Variants in SHISA6 observed in about 807,000 individuals in gnomAD.
SHISA6 encodes the protein shisa family member 6, also known as protein shisa-6.
Under a neutral mutation model 47.9 loss-of-function variants are expected in SHISA6, and 22 were observed. The observed-to-expected ratio is 0.46, with a 90% CI of 0.33 to 0.66. The LOEUF is 0.66. Among genes scored for constraint, SHISA6 ranks in the 30% least tolerant of loss-of-function variants. The pLI is 0.02. For synonymous variants in SHISA6, 388 were observed against 337.8 expected (o/e 1.15, Z -1.63); for missense variants, 680 against 764.6 (o/e 0.89, Z 1.30).
At position 11,560,772 on chromosome 17, in the gene SHISA6, A is replaced by C. The variant is rs1434579418; in HGVS notation, c.*2468A>C. The C allele has an allele frequency of 6.6e-6, 1 of 152,148 alleles. No homozygotes were observed. The highest frequency in any genetic ancestry group is 1.9e-4 in the East Asian group (1 of 5,182). The allele number at this position is 152,148 out of a possible 1,614,324, so 9.4% of individuals were successfully genotyped here. A position where few individuals can be genotyped will look rare whatever the true frequency, so the allele number is the denominator to read the frequency against. ...CAGGGGTTGTTGATGAGTTGATTCCAAGACATTTCTCATCCCAGCCTTACC... is the reference window on the plus strand; with the variant it reads ...CAGGGGTTGTTGATGAGTTGATTCCCAGACATTTCTCATCCCAGCCTTACC... On this transcript the variant is annotated 3_prime_UTR_variant, in exon 6 of 6. Coordinates refer to ENST00000441885, the MANE Select transcript of SHISA6 (RefSeq NM_207386.4).
chr17:11,395,064 C>T (rs1226181978), intron 3 of SHISA6, among the ~76,000 whole-genome samples: 3 of 137,522 alleles, frequency 2.2e-5, no homozygotes, highest in Admixed American at 7.9e-5. Flanking sequence ...TGCAGTGGCG[C>T]GATCTCGGCT....
intron 3 of SHISA6, among the ~76,000 whole-genome samples, chr17:11,445,724 A>G (rs901921381): frequency 3.3e-5 from 5 of 152,218 alleles, no homozygotes; most frequent in Non-Finnish European, 7.3e-5. Context: ...TAATAACTAC[A>G]AACAAACAAG....
chr17:11,420,076 C>A (rs1914409097), intron 3 of SHISA6, among the ~76,000 whole-genome samples: 1 of 152,082 alleles, frequency 6.6e-6, no homozygotes, highest in African/African-American at 2.4e-5. Flanking sequence ...TGGTTGTGGG[C>A]ACCTGTGATT....
intron 2 of SHISA6, among the ~76,000 whole-genome samples, chr17:11,371,244 G>A (rs2142237833): frequency 6.6e-6 from 1 of 152,306 alleles, no homozygotes; most frequent in South Asian, 2.1e-4. Flanking sequence ...GAGGAGCACA[G>A]GTCTCCTGGC....
intron 2 of SHISA6, among the ~76,000 whole-genome samples, chr17:11,285,900 G>T (rs1035296966): frequency 6.6e-6 from 1 of 150,824 alleles, no homozygotes; most frequent in Non-Finnish European, 1.5e-5. Flanking sequence ...GCAATGGCGC[G>T]ATCTTGGCTC....
At position 11,558,166 on chromosome 17, in the gene SHISA6, C is replaced by T. The variant is rs148413919; in HGVS notation, c.1518C>T (p.Tyr506=). 1.5e-3 allele frequency: 2,382 copies of T among 1,548,770 alleles called. 29 individuals carry two copies. In the African/African-American group the frequency reaches 0.028, roughly 18 times the overall value. Reference sequence around the variant, plus strand: ...ATCCCAGTGCCTCCAATAACTCATACGCCACCCTGGGCCAGAGCCAGACGG... The same window carrying T: ...ATCCCAGTGCCTCCAATAACTCATATGCCACCCTGGGCCAGAGCCAGACGG... The part of the protein sequence containing the change: ...HSHPSASNNS[Y]ATLGQSQTAA... The change falls in exon 6 of 6, where the codon TAC becomes TAT. Residue 506 remains tyrosine (Y), a synonymous_variant. Coordinates refer to ENST00000441885, the MANE Select transcript of SHISA6 (RefSeq NM_207386.4).
chr17:11,380,412 T>C (rs901811254), intron 3 of SHISA6: 1 of 152,238 alleles, frequency 6.6e-6, no homozygotes, highest in Non-Finnish European at 1.5e-5. Flanking sequence ...TATCTGTGTA[T>C]GTATTTTCTG....
chr17:11,474,597 A>G (rs1254823039), intron 3 of SHISA6, among the ~76,000 whole-genome samples: 1 of 152,094 alleles, frequency 6.6e-6, no homozygotes, highest in African/African-American at 2.4e-5. Flanking sequence ...TTCTTTGCCA[A>G]AGATCAGTTA....
At chr17:11,389,369 A>T (rs1446964588) in intron 3 of SHISA6, among the ~76,000 whole-genome samples, 1 of 152,166 alleles carries the variant, frequency 6.6e-6, no homozygotes, top group Admixed American at 6.5e-5. Flanking sequence ...TCTTACCTGT[A>T]GGGTACATGT....
At position 11,562,939 on chromosome 17, in the gene SHISA6, C is replaced by G. The variant is rs994393632; in HGVS notation, c.*4635C>G. ...GCCCTCGTACCTGAAGTTTAAGGGC[C>G]TAACCATTCAATAGGTCACCAACTG... On this transcript the variant is annotated 3_prime_UTR_variant, in exon 6 of 6. Coordinates refer to ENST00000441885, the MANE Select transcript of SHISA6 (RefSeq NM_207386.4). 1 of 152,302 alleles carries G rather than the reference C, an allele frequency of 6.6e-6. No individual in the cohort carries two copies. The highest frequency in any genetic ancestry group is 2.4e-5 in the African/African-American group (1 of 41,460). 9.4% of individuals were successfully genotyped at this position (152,302 alleles called of 1,614,324 possible).
intron 3 of SHISA6, among the ~76,000 whole-genome samples, chr17:11,473,875 A>G (rs1249420568): frequency 1.3e-5 from 2 of 152,056 alleles, no homozygotes; most frequent in Admixed American, 1.3e-4. Context: ...CCCCACATAC[A>G]TTAGGTATTT....
Position 11,263,447 on chromosome 17 carries a change from C to T in SHISA6, c.720C>T (p.Thr240=). The T allele has an allele frequency of 6.4e-7, 1 of 1,551,868 alleles. No homozygotes were observed. The highest frequency in any genetic ancestry group is 8.7e-7 in the Non-Finnish European group (1 of 1,147,044). ...CERETISAID[T]SPKENTPVRS... ...GAGAAACTATCTCGGCTATCGATAC[C>T]TCTCCCAAAGAGAACACGCCGGTCA... Residue 240 remains threonine, a synonymous_variant, in exon 2 of 6, where the codon ACC becomes ACT. Transcript: ENST00000441885.
chr17:11,347,524 A>G (rs992511124), intron 2 of SHISA6, among the ~76,000 whole-genome samples: 18 of 152,212 alleles, frequency 1.2e-4, no homozygotes, highest in Admixed American at 3.9e-4. Flanking sequence ...TCTTATTAAT[A>G]CTTAACATTA....
chr17:11,403,528 C>G (rs1400327499), intron 3 of SHISA6, among the ~76,000 whole-genome samples: 1 of 152,140 alleles, frequency 6.6e-6, no homozygotes, highest in Non-Finnish European at 1.5e-5. Flanking sequence ...CTTAGTGACT[C>G]CACATCAACA....
At chr17:11,480,557 A>G (rs113082563) in intron 3 of SHISA6, among the ~76,000 whole-genome samples, 12 of 152,056 alleles carry the variant, frequency 7.9e-5, no homozygotes, top group African/African-American at 2.2e-4. Context: ...CCCTGACTCT[A>G]TGGAGTACTG....
At chr17:11,412,692 C>T (rs992262119) in intron 3 of SHISA6, among the ~76,000 whole-genome samples, 4 of 152,048 alleles carry the variant, frequency 2.6e-5, no homozygotes, top group Non-Finnish European at 4.4e-5. Flanking sequence ...CAGGCACCGG[C>T]CACCGTGCCG....
chr17:11,497,210 C>T (rs572324201), intron 3 of SHISA6, among the ~76,000 whole-genome samples: 1 of 152,130 alleles, frequency 6.6e-6, no homozygotes, highest in African/African-American at 2.4e-5. Flanking sequence ...GAATGAGGAA[C>T]CTGCAATCAT....
At chr17:11,410,817 A>C (rs1177934574) in intron 3 of SHISA6, among the ~76,000 whole-genome samples, 2 of 152,152 alleles carry the variant, frequency 1.3e-5, no homozygotes, top group Non-Finnish European at 2.9e-5. Flanking sequence ...CTGAATCAGA[A>C]AATCTGGGGT....
At chr17:11,283,264 G>A (rs1466059762) in intron 2 of SHISA6, among the ~76,000 whole-genome samples, 1 of 152,180 alleles carries the variant, frequency 6.6e-6, no homozygotes, top group Non-Finnish European at 1.5e-5. Context: ...ATATGTATCA[G>A]TTAATCATCA....
Sources: allele counts gnomAD v4.1 joint callset (sites outside exome capture counted in the v4.1 genomes callset), GRCh38; gene constraint gnomAD v4.1.1; transcripts MANE v1.5; gene names NCBI Gene and HGNC (gene_info 2026-07-23, HGNC 2026-07-21).